RDH12: variants seen among roughly 807,000 people sequenced by gnomAD.
RDH12 encodes the protein retinol dehydrogenase 12.
Under a neutral mutation model 34.0 loss-of-function variants are expected in RDH12, and 21 were observed. That is an observed-to-expected ratio of 0.62 (90% CI 0.44 to 0.89). The LOEUF (loss-of-function observed/expected upper bound fraction) is 0.89, where lower values mean the gene tolerates loss of function less well. RDH12 is among the 40% of genes least tolerant of loss of function. The pLI, the probability that RDH12 is intolerant of heterozygous loss-of-function variation, is 0.00. For missense variants in RDH12, 394 were observed against 398.6 expected, an observed-to-expected ratio of 0.99 and a Z score of 0.10; for synonymous variants, 198 against 169.9, an observed-to-expected ratio of 1.17 and a Z score of -1.29.
chr14:67,719,446 G>A (rs983470014), intron 1 of RDH12, among the ~76,000 whole-genome samples: 2 of 151,948 alleles, frequency 1.3e-5, no homozygotes, highest in Non-Finnish European at 2.9e-5. Flanking sequence ...AGGTTATCAG[G>A]GTCTTTTTGC....
intron 1 of RDH12, among the ~76,000 whole-genome samples, chr14:67,713,440 A>G (rs2038033312): frequency 6.6e-6 from 1 of 151,780 alleles, no homozygotes; most frequent in African/African-American, 2.4e-5. Context: ...GATGTACAGC[A>G]AAATAAGCTT....
intron 1 of RDH12, among the ~76,000 whole-genome samples, chr14:67,720,498 T>C (rs890938054): frequency 2.0e-5 from 3 of 152,244 alleles, no homozygotes; most frequent in African/African-American, 7.2e-5. Context: ...TTTGAGGTAT[T>C]CGAATTTTGG....
chr14:67,724,396 T>G lies in RDH12; in HGVS notation c.69-77T>G, dbSNP rs1379960291. The G allele has an allele frequency of 4.5e-5, 29 of 647,238 alleles. 2 individuals are homozygous for G. The highest frequency in any genetic ancestry group is 5.9e-5 in the Non-Finnish European group (26 of 440,418). The allele number at this position is 647,238 out of a possible 1,614,324, so 40.1% of individuals were successfully genotyped here. On this transcript the variant is annotated intron_variant, in intron 3 of 8. Transcript: ENST00000551171. Reference sequence around the variant, plus strand: ...CCTTCTTTGAGGCTGGATAGAGTTTTTTTTTTTTTTTTTAACGTATCTTAG... The same window carrying G: ...CCTTCTTTGAGGCTGGATAGAGTTTGTTTTTTTTTTTTTAACGTATCTTAG...
At position 67,711,425 on chromosome 14, in the gene RDH12, T is replaced by G. The variant is rs1426724955; in HGVS notation, c.-274-9423T>G. ...TTTACCAATAATTTTAAAGCTAGCT[T>G]ATTTATTAAATATTTTACTTAAGTT... On this transcript the variant is annotated intron_variant, in intron 1 of 8. Coordinates refer to ENST00000551171, the MANE Select transcript of RDH12 (RefSeq NM_152443.3). 2.0e-5 allele frequency among the ~76,000 whole-genome samples: 3 copies of G among 152,228 alleles called. No homozygotes were observed. In the East Asian group the frequency reaches 5.8e-4, roughly 29 times the overall value.
chr14:67,727,472 T>TTTTTTTTTG, intron 7 of RDH12: 1 of 360,780 alleles, frequency 2.8e-6, no homozygotes. Flanking sequence ...GACAGAGGCT[T>TTTTTTTTTG]TTTGTTTTTT....
intron 8 of RDH12, among the ~76,000 whole-genome samples, chr14:67,732,732 A>G (rs2038299086): frequency 6.6e-6 from 1 of 152,110 alleles, no homozygotes; most frequent in Admixed American, 6.5e-5. Flanking sequence ...GCCCACCACC[A>G]CACCCGGCTA....
intron 3 of RDH12, among the ~76,000 whole-genome samples, 194 bp downstream of exon 3, chr14:67,722,904 G>A (rs1160791971): frequency 1.3e-5 from 2 of 152,206 alleles, no homozygotes; most frequent in Non-Finnish European, 2.9e-5. Flanking sequence ...CCGGGCAGAG[G>A]TGGGGCTGAG....
At chr14:67,726,017 C>T (rs780723526) in intron 5 of RDH12, 34 bp from the exon 6 acceptor site, 4 of 1,474,436 alleles carry the variant, frequency 2.7e-6, no homozygotes, top group Non-Finnish European at 3.8e-6. Flanking sequence ...GGACTCCTTG[C>T]TAACCATAGG....
chr14:67,732,911 G>C (rs12893115), intron 8 of RDH12, among the ~76,000 whole-genome samples: 18,589 of 152,042 alleles, frequency 0.12, 1,579 homozygotes, highest in South Asian at 0.34. Flanking sequence ...TATCAGCACT[G>C]CATGTTCCGA....
chr14:67,727,262 G>T lies in RDH12; in HGVS notation c.658+72G>T. The T allele has an allele frequency of 2.5e-6, 3 of 1,177,092 alleles. No homozygotes were observed. In the South Asian group the frequency reaches 3.9e-5, roughly 15 times the overall value. 72.9% of individuals were successfully genotyped at this position (1,177,092 alleles called of 1,614,324 possible). Reference sequence around the variant, plus strand: ...TTAGAGGTCCACAGCAACTTGGGAAGTCAGGCTGTCAAACATGCACGTGTC... The same window carrying T: ...TTAGAGGTCCACAGCAACTTGGGAATTCAGGCTGTCAAACATGCACGTGTC... On this transcript the variant is annotated intron_variant, in intron 7 of 8. Transcript: ENST00000551171.
In RDH12 at chr14:67,725,000, G is replaced by A; in HGVS notation, c.188-99G>A. Reference sequence around the variant, plus strand: ...CACTCTACCGTTGAAGGATGGCTGGGAGAATGAATGCTCTGTCCCCCAGTC... The same window carrying A: ...CACTCTACCGTTGAAGGATGGCTGGAAGAATGAATGCTCTGTCCCCCAGTC... On this transcript the variant is annotated intron_variant, in intron 4 of 8. Transcript: ENST00000551171. 4 of 1,338,446 alleles carry A rather than the reference G, an allele frequency of 3.0e-6. No individual in the cohort carries two copies. The South Asian group carries it at 4.7e-5, about 16-fold the overall frequency. The allele number at this position is 1,338,446 out of a possible 1,614,324, so 82.9% of individuals were successfully genotyped here.
At position 67,722,428 on chromosome 14, in the gene RDH12, A is replaced by G. The variant is rs2038134301; in HGVS notation, c.-215A>G. On this transcript the variant is annotated 5_prime_UTR_variant, in exon 3 of 9. Coordinates refer to ENST00000551171, the MANE Select transcript of RDH12 (RefSeq NM_152443.3). Reference sequence around the variant, plus strand: ...ACTCCATCCCCTCCCCACCAGGACTACATCTCCCAGCAGGCTGTGCTCTGA... The same window carrying G: ...ACTCCATCCCCTCCCCACCAGGACTGCATCTCCCAGCAGGCTGTGCTCTGA... The G allele has an allele frequency of 1.6e-6, 1 of 627,812 alleles. No individual in the cohort carries two copies. The highest frequency in any genetic ancestry group is 2.9e-6 in the Non-Finnish European group (1 of 348,486). The allele number at this position is 627,812 out of a possible 1,614,324, so 38.9% of individuals were successfully genotyped here.
At chr14:67,714,094 T>TA (rs1221111964) in intron 1 of RDH12, among the ~76,000 whole-genome samples, 7 of 152,122 alleles carry the variant, frequency 4.6e-5, no homozygotes, top group Admixed American at 2.6e-4. Flanking sequence ...CTATTAGATT[T>TA]AAAAAAATTG....
Position 67,729,335 on chromosome 14 carries a change from G to T in RDH12, c.803G>T (p.Cys268Phe). 1.9e-6 allele frequency: 3 copies of T among 1,599,200 alleles called. No individual in the cohort carries two copies. The highest frequency in any genetic ancestry group is 2.5e-6 in the Non-Finnish European group (3 of 1,179,832). The change falls in exon 8 of 9, where the codon TGC becomes TTC. Residue 268 changes from cysteine to phenylalanine, a missense_variant. By Grantham distance (205) the Cys-to-Phe change is radical (BLOSUM62 -2). Coordinates refer to ENST00000551171, the MANE Select transcript of RDH12 (RefSeq NM_152443.3). ...GAGGGGGCGCAGACCAGCCTGCACT[G>T]CGCCCTGGCTGAGGGCCTGGAGCCC... is the stretch of plus-strand genomic sequence containing the variant. ...AREGAQTSLHCALAEGLEPLS... is the reference protein window; with the variant it reads ...AREGAQTSLHFALAEGLEPLS...
At chr14:67,729,160 C>A (rs1012339683) in intron 7 of RDH12, 31 bp from the exon 8 acceptor site, 4 of 1,608,740 alleles carry the variant, frequency 2.5e-6, no homozygotes, top group Non-Finnish European at 2.5e-6. Context: ...CAGAGTGTGT[C>A]CCTGATCTAA....
rs1269362701 is a variant in RDH12 at position 67,729,236 on chromosome 14, C to G, written c.704C>G (p.Ser235Cys). The change falls in exon 8 of 9, where the codon TCT becomes TGT. Residue 235 changes from serine to cysteine, a missense_variant. Transcript: ENST00000551171. ...TYAVHPGVVRSELVRHSSLLC... is the reference protein window; with the variant it reads ...TYAVHPGVVRCELVRHSSLLC... Reference sequence around the variant, plus strand: ...GCAGTGCACCCAGGCGTCGTCCGCTCTGAGCTGGTCCGGCACTCCTCCCTG... The same window carrying G: ...GCAGTGCACCCAGGCGTCGTCCGCTGTGAGCTGGTCCGGCACTCCTCCCTG... 1 of 1,611,062 alleles carries G rather than the reference C, an allele frequency of 6.2e-7. No homozygotes were observed. The highest frequency in any genetic ancestry group is 1.3e-5 in the African/African-American group (1 of 75,044).
chr14:67,722,717 C>A lies in RDH12; in HGVS notation c.68+7C>A, dbSNP rs2038139125. The A allele has an allele frequency of 6.2e-7, 1 of 1,611,278 alleles. No individual in the cohort carries two copies. The highest frequency in any genetic ancestry group is 1.3e-5 in the African/African-American group (1 of 74,884). The stretch of plus-strand genomic sequence containing the variant: ...TGGTAGCTCCATCCATCAGGTTTGT[C>A]TTAATTCAGCAACTCAAACAATCGT... On this transcript the variant is annotated splice_region_variant and intron_variant, in intron 3 of 8. Transcript: ENST00000551171.
At chr14:67,722,925 A>C (rs1022302766) in intron 3 of RDH12, among the ~76,000 whole-genome samples, 1 of 152,112 alleles carries the variant, frequency 6.6e-6, no homozygotes, top group Non-Finnish European at 1.5e-5. Context: ...TTCTGGCCCC[A>C]CCTGAGCTCT....
intron 1 of RDH12, among the ~76,000 whole-genome samples, chr14:67,719,105 A>G (rs942721924): frequency 1.3e-5 from 2 of 152,242 alleles, no homozygotes; most frequent in African/African-American, 4.8e-5. Flanking sequence ...GGGACTCCTC[A>G]TATCGGAGTT....
Sources: gnomAD v4.1 joint callset for allele counts (sites outside exome capture counted in the v4.1 genomes callset) on GRCh38, gnomAD v4.1.1 for gene constraint, MANE v1.5 for transcripts, NCBI Gene and HGNC (gene_info 2026-07-23, HGNC 2026-07-21) for gene names.